RAB3IP: variants seen among roughly 807,000 people sequenced by gnomAD.
RAB3IP encodes RAB3A interacting protein, also known as rab-3A-interacting protein.
Under a neutral mutation model 59.1 loss-of-function variants are expected in RAB3IP, and 36 were observed. The observed-to-expected ratio is 0.61, with a 90% CI of 0.47 to 0.80. The LOEUF is 0.80. Among genes scored for constraint, RAB3IP ranks in the 30% least tolerant of loss-of-function variants. The probability of loss-of-function intolerance (pLI) is 0.00; values close to 1 mark genes in which losing one functional copy is unlikely to be tolerated. For missense variants in RAB3IP, 511 were observed against 536.0 expected (o/e 0.95, Z 0.46); for synonymous variants, 207 against 191.2 (o/e 1.08, Z -0.68).
chr12:69,791,506 G>A (rs1876610293), intron 4 of RAB3IP, among the ~76,000 whole-genome samples: 1 of 152,116 alleles, frequency 6.6e-6, no homozygotes, highest in African/African-American at 2.4e-5. Context: ...GATGGGCTAG[G>A]GGCCTAAATA....
At chr12:69,805,451 A>G (rs1238689198) in intron 8 of RAB3IP, among the ~76,000 whole-genome samples, 1 of 152,188 alleles carries the variant, frequency 6.6e-6, no homozygotes, top group African/African-American at 2.4e-5. Flanking sequence ...AATTGGGACA[A>G]TTTGACTTCC....
chr12:69,783,517 G>A (rs1475218597), intron 3 of RAB3IP, among the ~76,000 whole-genome samples: 1 of 152,080 alleles, frequency 6.6e-6, no homozygotes, highest in Non-Finnish European at 1.5e-5. Context: ...TTCTGGTGAG[G>A]GCTCTTTGTT....
intron 1 of RAB3IP, among the ~76,000 whole-genome samples, chr12:69,741,956 A>G (rs1399743554): frequency 6.6e-6 from 1 of 152,174 alleles, no homozygotes; most frequent in Non-Finnish European, 1.5e-5. Flanking sequence ...ATTTTTTTAA[A>G]TCAAATACTC....
At chr12:69,739,826 T>C (rs777032652) in intron 1 of RAB3IP, 3 of 1,613,896 alleles carry the variant, frequency 1.9e-6, no homozygotes, top group South Asian at 1.1e-5. Flanking sequence ...AGTCGCAGCA[T>C]GTGAAGAGTT....
At chr12:69,741,701 CAT>C (rs1006008778) in intron 1 of RAB3IP, among the ~76,000 whole-genome samples, 3 of 152,210 alleles carry the variant, frequency 2.0e-5, no homozygotes, top group African/African-American at 7.2e-5. Context: ...CTCAACGTCA[CAT>C]AGTTAATTAA....
intron 3 of RAB3IP, among the ~76,000 whole-genome samples, chr12:69,760,541 C>T (rs189171860): frequency 5.9e-5 from 9 of 152,252 alleles, no homozygotes; most frequent in East Asian, 3.9e-4. Flanking sequence ...ATTTCCAACT[C>T]GTATCATTTT....
chr12:69,742,095 A>G (rs1205846182), intron 1 of RAB3IP, among the ~76,000 whole-genome samples: 3 of 152,222 alleles, frequency 2.0e-5, no homozygotes, highest in Non-Finnish European at 4.4e-5. Flanking sequence ...CGCACTTTAC[A>G]TATTTTAATG....
intron 4 of RAB3IP, among the ~76,000 whole-genome samples, chr12:69,787,564 A>G (rs1875889508): frequency 6.6e-6 from 1 of 152,162 alleles, no homozygotes; most frequent in Admixed American, 6.5e-5. Context: ...AAAATCATAA[A>G]TGGCATTTCT....
chr12:69,796,885 A>T (rs1229147081), intron 6 of RAB3IP, among the ~76,000 whole-genome samples: 1 of 152,208 alleles, frequency 6.6e-6, no homozygotes, highest in African/African-American at 2.4e-5. Flanking sequence ...GTGTCTTCTC[A>T]TGGAACATGG....
intron 1 of RAB3IP, among the ~76,000 whole-genome samples, chr12:69,746,007 A>C (rs542316093): frequency 1.1e-3 from 162 of 152,280 alleles, no homozygotes; most frequent in African/African-American, 3.8e-3. Context: ...GAATGCTCTG[A>C]AGATTAACTG....
At chr12:69,788,524 T>C (rs1175713613) in intron 4 of RAB3IP, among the ~76,000 whole-genome samples, 1 of 152,136 alleles carries the variant, frequency 6.6e-6, no homozygotes, top group Non-Finnish European at 1.5e-5. Context: ...TGCATGACTG[T>C]ATATATGCAT....
rs763832726 is a variant in RAB3IP, at chr12:69,801,711, G to A, written c.1120G>A (p.Gly374Arg). 45 of 1,607,290 alleles carry A rather than the reference G, an allele frequency of 2.8e-5. 1 individual carries two copies. Among genetic ancestry groups the A allele is most frequent in the South Asian group, 2.0e-4 (18 of 90,926 alleles). The change falls in exon 8 of 11, where the codon GGA becomes AGA. Residue 374 changes from glycine (G) to arginine (R), a missense_variant. By Grantham distance (125) the Gly-to-Arg change is moderately radical. Transcript: ENST00000247833. ...TGTGAAAGCTTCTGCAGTTGAATGC[G>A]GAGGACCAAAGTAGGTTTTTACGTG... ...RFVKASAVEC[G>R]GPKKCALTGQ...
chr12:69,801,030 C>T (rs752784588), intron 7 of RAB3IP, among the ~76,000 whole-genome samples: 24 of 152,122 alleles, frequency 1.6e-4, no homozygotes, highest in Non-Finnish European at 2.8e-4. Flanking sequence ...TTCATTGTGG[C>T]TCTGTATCTG....
rs770023457 is a variant in RAB3IP, at chr12:69,784,706, T to C, written c.511-14T>C. 6 of 1,527,194 alleles carry C rather than the reference T, an allele frequency of 3.9e-6. No homozygotes were observed. In the South Asian group the frequency reaches 7.0e-5, roughly 18 times the overall value. 94.6% of individuals were successfully genotyped at this position (1,527,194 alleles called of 1,614,324 possible). A position where few individuals can be genotyped will look rare whatever the true frequency, so the allele number is the denominator to read the frequency against. On this transcript the variant is annotated splice_polypyrimidine_tract_variant and intron_variant, in intron 3 of 10. Coordinates refer to ENST00000247833, the MANE Select transcript of RAB3IP (RefSeq NM_022456.5). Reference sequence around the variant, plus strand: ...ACTATGGAGATCCAAAATAAAATTATCAATTTCTCTTAGGAACTGAAGTTA... The same window carrying C: ...ACTATGGAGATCCAAAATAAAATTACCAATTTCTCTTAGGAACTGAAGTTA...
At chr12:69,771,123 T>G (rs1471435943) in intron 3 of RAB3IP, among the ~76,000 whole-genome samples, 1 of 152,244 alleles carries the variant, frequency 6.6e-6, no homozygotes, top group Non-Finnish European at 1.5e-5. Context: ...CCTTCTGTAC[T>G]TGGTTTATTT....
intron 8 of RAB3IP, among the ~76,000 whole-genome samples, chr12:69,802,795 G>A (rs1432871197): frequency 6.6e-6 from 1 of 152,226 alleles, no homozygotes; most frequent in Admixed American, 6.5e-5. Context: ...GTCTCAGCAA[G>A]ATTACAGAAT....
At chr12:69,801,532 A>T in intron 7 of RAB3IP, 77 bp from the exon 8 acceptor site, 1 of 751,154 alleles carries the variant, frequency 1.3e-6, no homozygotes, top group Non-Finnish European at 2.1e-6. Context: ...ATAATTTATA[A>T]AATTCGTTTA....
intron 6 of RAB3IP, among the ~76,000 whole-genome samples, chr12:69,797,919 A>G (rs543531172): frequency 1.4e-4 from 22 of 152,202 alleles, no homozygotes; most frequent in African/African-American, 5.3e-4. Context: ...AATCCAGTCT[A>G]TCATTGTTGG....
intron 4 of RAB3IP, among the ~76,000 whole-genome samples, chr12:69,792,220 T>G (rs1876743079): frequency 6.6e-6 from 1 of 152,136 alleles, no homozygotes; most frequent in South Asian, 2.1e-4. Flanking sequence ...AGATAAATTC[T>G]GAAGACCCAA....
Sources: gnomAD v4.1 joint callset for allele counts (sites outside exome capture counted in the v4.1 genomes callset) on GRCh38, gnomAD v4.1.1 for gene constraint, MANE v1.5 for transcripts, NCBI Gene and HGNC (gene_info 2026-07-23, HGNC 2026-07-21) for gene names.